The following RBM20 variants were observed in gnomAD, a reference collection of about 807,000 sequenced individuals.
The protein encoded by RBM20 is RNA-binding protein 20.
In RBM20, 51 loss-of-function variants were observed where a neutral mutation model predicts 110.1. The ratio of observed to expected loss-of-function variants is 0.46; its 90% CI spans 0.37 to 0.59. RBM20 has a LOEUF of 0.59. Among genes scored for constraint, RBM20 ranks in the 20% least tolerant of loss-of-function variants. RBM20 has a pLI of 0.00. For synonymous variants in RBM20, 589 were observed against 618.2 expected, an observed-to-expected ratio of 0.95 and a Z score of 0.70; for missense variants, 1,512 against 1,574.9, an observed-to-expected ratio of 0.96 and a Z score of 0.68.
At chr10:110,792,173 ATC>A (rs1423135767) in intron 5 of RBM20, among the ~76,000 whole-genome samples, 37 of 151,566 alleles carry the variant, frequency 2.4e-4, no homozygotes, top group South Asian at 6.3e-4. Flanking sequence ...CTATCTATCT[ATC>A]TATCTATCTA....
At chr10:110,766,779 C>A (rs1456462141) in intron 1 of RBM20, among the ~76,000 whole-genome samples, 1 of 151,600 alleles carries the variant, frequency 6.6e-6, no homozygotes, top group East Asian at 1.9e-4. Flanking sequence ...CCCGCCTTTC[C>A]CCTCTTTCTA....
chr10:110,663,532 T>C (rs1862135926), intron 1 of RBM20, among the ~76,000 whole-genome samples: 1 of 152,224 alleles, frequency 6.6e-6, no homozygotes, highest in Admixed American at 6.5e-5. Context: ...CCTGTATGTG[T>C]AGGTAGGAAA....
chr10:110,732,711 C>A (rs2134954583), intron 1 of RBM20, among the ~76,000 whole-genome samples: 1 of 152,290 alleles, frequency 6.6e-6, no homozygotes, highest in African/African-American at 2.4e-5. Flanking sequence ...CTTCAGGGAG[C>A]CTGGCTCTTT....
chr10:110,838,754 C>A lies in RBM20; in HGVS notation c.*2776C>A, dbSNP rs1845167515. The stretch of plus-strand genomic sequence containing the variant: ...TTCATATTGGAGAGCTAGGGAGAGC[C>A]CCTGGGAGGGAGAGAGATAAGGCGC... On this transcript the variant is annotated 3_prime_UTR_variant, in exon 14 of 14. Coordinates refer to ENST00000369519, the MANE Select transcript of RBM20 (RefSeq NM_001134363.3). The A allele has an allele frequency of 6.6e-6, 1 of 151,882 alleles. No homozygotes were observed. The highest frequency in any genetic ancestry group is 1.5e-5 in the Non-Finnish European group (1 of 67,994). The allele number at this position is 151,882 out of a possible 1,614,324, so 9.4% of individuals were successfully genotyped here.
intron 1 of RBM20, among the ~76,000 whole-genome samples, chr10:110,779,523 C>T (rs1005584226): frequency 1.3e-5 from 2 of 152,232 alleles, no homozygotes; most frequent in African/African-American, 4.8e-5. Flanking sequence ...GGGAGCCTCT[C>T]TAGCAAATTA....
intron 1 of RBM20, among the ~76,000 whole-genome samples, chr10:110,760,731 G>A (rs2135001114): frequency 6.7e-6 from 1 of 150,152 alleles, no homozygotes; most frequent in East Asian, 2.0e-4. Context: ...GTGAGCCACT[G>A]CACCTGGCCA....
At chr10:110,695,402 G>A (rs1862647677) in intron 1 of RBM20, among the ~76,000 whole-genome samples, 1 of 152,198 alleles carries the variant, frequency 6.6e-6, no homozygotes, top group African/African-American at 2.4e-5. Context: ...CTCCTGCCTG[G>A]GATGGGAACG....
chr10:110,810,125 C>G (rs1844745897), intron 7 of RBM20, among the ~76,000 whole-genome samples: 1 of 152,110 alleles, frequency 6.6e-6, no homozygotes, highest in South Asian at 2.1e-4. Flanking sequence ...CTGCTTGTCT[C>G]CAGCACATGG....
chr10:110,685,314 C>A (rs1370774978), intron 1 of RBM20, among the ~76,000 whole-genome samples: 1 of 152,184 alleles, frequency 6.6e-6, no homozygotes, highest in East Asian at 1.9e-4. Context: ...GAAAAGTGCC[C>A]TGTGCCCTTC....
chr10:110,720,500 T>C (rs555635534), intron 1 of RBM20, among the ~76,000 whole-genome samples: 1 of 152,278 alleles, frequency 6.6e-6, no homozygotes, highest in African/African-American at 2.4e-5. Context: ...CTCATCTTTC[T>C]TTTCTCCCCA....
Position 110,788,197 on chromosome 10 carries a change from A to T in RBM20, c.1527+3308A>T, listed in dbSNP as rs1449504969. Among the ~76,000 whole-genome samples, 3 of 152,088 alleles carry T rather than the reference A, an allele frequency of 2.0e-5. No homozygotes were observed. The East Asian group carries it at 5.8e-4, about 29-fold the overall frequency. ...CTTCCTTGCTGTGATCCTCCTCTTTAGTAAGCCCCTCTCACCTCCCCCTCT... is the reference window on the plus strand; with the variant it reads ...CTTCCTTGCTGTGATCCTCCTCTTTTGTAAGCCCCTCTCACCTCCCCCTCT... On this transcript the variant is annotated intron_variant, in intron 5 of 13. Transcript: ENST00000369519.
chr10:110,766,145 T>C (rs1179369073), intron 1 of RBM20, among the ~76,000 whole-genome samples: 1 of 152,194 alleles, frequency 6.6e-6, no homozygotes, highest in African/African-American at 2.4e-5. Context: ...TAACCATTCT[T>C]TCTGGCCTCA....
chr10:110,688,375 T>C (rs965565644), intron 1 of RBM20, among the ~76,000 whole-genome samples: 6 of 152,232 alleles, frequency 3.9e-5, no homozygotes, highest in African/African-American at 1.2e-4. Flanking sequence ...GCCTGGACTC[T>C]ACTGGGTTCA....
intron 1 of RBM20, among the ~76,000 whole-genome samples, chr10:110,711,235 TAGG>T (rs1862921744): frequency 7.0e-6 from 1 of 141,934 alleles, no homozygotes; most frequent in South Asian, 2.2e-4. Context: ...GAGGCTGAGA[TAGG>T]AGAATTGCTT....
intron 1 of RBM20, among the ~76,000 whole-genome samples, chr10:110,655,068 G>T (rs1292426798): frequency 6.6e-6 from 1 of 152,066 alleles, no homozygotes; most frequent in South Asian, 2.1e-4. Flanking sequence ...TGGTGGAATG[G>T]GGCTTGGAAT....
intron 1 of RBM20, among the ~76,000 whole-genome samples, chr10:110,695,442 G>C (rs1342349787): frequency 6.6e-6 from 1 of 152,186 alleles, no homozygotes; most frequent in Non-Finnish European, 1.5e-5. Context: ...GTGTTTGTCT[G>C]TCTGCTGGAA....
chr10:110,810,352 G>T (rs372683177), intron 7 of RBM20, 31 bp from the exon 8 acceptor site: 2 of 1,521,976 alleles, frequency 1.3e-6, no homozygotes, highest in African/African-American at 2.8e-5. Context: ...GGCCATCTCT[G>T]ATCTGATGGT....
chr10:110,761,577 G>A (rs959048232), intron 1 of RBM20, among the ~76,000 whole-genome samples: 2 of 152,212 alleles, frequency 1.3e-5, no homozygotes, highest in Non-Finnish European at 2.9e-5. Context: ...GCCGTAGCCC[G>A]AGTCTCCCAC....
rs79022461 is a variant in RBM20 at position 110,830,668 on chromosome 10, C to T, written c.3452-393C>T. On this transcript the variant is annotated intron_variant, in intron 12 of 13. Coordinates refer to ENST00000369519, the MANE Select transcript of RBM20 (RefSeq NM_001134363.3). ...GAGAATTCTTCGAGAGTCCCGGTCACAGCAGCTGCAGAGAGAGGTACAGTG... is the reference window on the plus strand; with the variant it reads ...GAGAATTCTTCGAGAGTCCCGGTCATAGCAGCTGCAGAGAGAGGTACAGTG... Among the ~76,000 whole-genome samples the T allele has an allele frequency of 2.4e-4, 36 of 152,264 alleles. 1 individual carries two copies. The East Asian group carries it at 6.2e-3, about 26-fold the overall frequency.
Sources: gnomAD v4.1 joint callset for allele counts (sites outside exome capture counted in the v4.1 genomes callset) on GRCh38, gnomAD v4.1.1 for gene constraint, MANE v1.5 for transcripts, NCBI Gene and HGNC (gene_info 2026-07-23, HGNC 2026-07-21) for gene names.